KLHL32: variants seen among roughly 807,000 people sequenced by gnomAD.
The protein encoded by KLHL32 is kelch-like protein 32.
In KLHL32, 35 loss-of-function variants were observed where a neutral mutation model predicts 64.8. That is an observed-to-expected ratio of 0.54 (90% CI 0.41 to 0.72). KLHL32 has a LOEUF of 0.72. Ranked by LOEUF, KLHL32 falls within the 30% of genes least tolerant of loss-of-function variation. The probability of loss-of-function intolerance (pLI) is 0.00; values close to 1 mark genes in which losing one functional copy is unlikely to be tolerated. For missense variants in KLHL32, 589 were observed against 768.5 expected (o/e 0.77, Z 2.76); for synonymous variants, 259 against 281.0 (o/e 0.92, Z 0.78).
intron 1 of KLHL32, among the ~76,000 whole-genome samples, chr6:96,950,477 A>G (rs754878430): frequency 6.6e-6 from 1 of 150,832 alleles, no homozygotes; most frequent in Non-Finnish European, 1.5e-5. Flanking sequence ...GCTCTAAGTG[A>G]TAGCTTTTAT....
chr6:97,025,151 G>A, intron 3 of KLHL32: 1 of 976,514 alleles, frequency 1.0e-6, no homozygotes, highest in Non-Finnish European at 1.2e-6. Context: ...TGATGAATTG[G>A]TATAAAGAAT....
chr6:97,081,642 A>T (rs1466524318), intron 5 of KLHL32, among the ~76,000 whole-genome samples: 1 of 152,222 alleles, frequency 6.6e-6, no homozygotes, highest in Non-Finnish European at 1.5e-5. Context: ...ACTCCAAGTC[A>T]ACTCCAAGTT....
chr6:97,100,305 A>T (rs1490782736), intron 6 of KLHL32, among the ~76,000 whole-genome samples: 1 of 152,206 alleles, frequency 6.6e-6, no homozygotes, highest in Non-Finnish European at 1.5e-5. Context: ...CAGTAGCCAG[A>T]CTGAAATTCA....
upstream of KLHL32, among the ~76,000 whole-genome samples, chr6:96,924,036 A>G (rs948890506): frequency 6.6e-6 from 1 of 152,060 alleles, no homozygotes; most frequent in Admixed American, 6.5e-5. Context: ...TAACCACAGT[A>G]ATCACACCCT....
At chr6:96,956,466 T>G (rs1331604392) in intron 1 of KLHL32, among the ~76,000 whole-genome samples, 1 of 152,192 alleles carries the variant, frequency 6.6e-6, no homozygotes, top group Non-Finnish European at 1.5e-5. Context: ...GGTTTCTCAT[T>G]TTACAAAACT....
chr6:96,980,693 GT>G (rs1485495605), intron 3 of KLHL32, among the ~76,000 whole-genome samples: 5 of 152,110 alleles, frequency 3.3e-5, no homozygotes, highest in African/African-American at 1.2e-4. Context: ...ATAGAGAAGA[GT>G]TTTTCTTCCT....
rs1242246598 is a variant in KLHL32 at position 96,976,113 on chromosome 6, T to C, written c.140T>C (p.Ile47Thr). 1.9e-6 allele frequency: 3 copies of C among 1,608,182 alleles called. No individual in the cohort carries two copies. Among genetic ancestry groups the C allele is most frequent in the Non-Finnish European group, 2.6e-6 (3 of 1,175,716 alleles). Residue 47 changes from isoleucine (I) to threonine (T), a missense_variant, in exon 3 of 11, where the codon ATT (isoleucine) becomes ACT (threonine). Ile to Thr is a moderately conservative substitution (Grantham distance 89). Coordinates refer to ENST00000369261, the MANE Select transcript of KLHL32 (RefSeq NM_052904.4). Reference protein sequence around the residue: ...SDGILCDITLIAEEQKFHAHK... With the variant: ...SDGILCDITLTAEEQKFHAHK... The stretch of plus-strand genomic sequence containing the variant: ...GGCATCCTCTGCGACATCACCCTGA[T>C]TGCTGAGGAACAGAAATTCCATGCT...
chr6:96,966,254 T>C (rs1468650455), intron 1 of KLHL32, among the ~76,000 whole-genome samples: 2 of 152,212 alleles, frequency 1.3e-5, no homozygotes, highest in Non-Finnish European at 2.9e-5. Flanking sequence ...GGTTGTAAAG[T>C]GTAGTCATGG....
At chr6:97,101,908 T>A (rs1795773656) in intron 6 of KLHL32, among the ~76,000 whole-genome samples, 1 of 152,228 alleles carries the variant, frequency 6.6e-6, no homozygotes, top group South Asian at 2.1e-4. Flanking sequence ...GGCTTTATCA[T>A]GAATTTAAAA....
Position 97,130,887 on chromosome 6 carries a change from A to G in KLHL32, c.1544A>G (p.His515Arg), listed in dbSNP as rs1339237276. 3 of 1,614,128 alleles carry G rather than the reference A, an allele frequency of 1.9e-6. No individual in the cohort carries two copies. Among genetic ancestry groups the G allele is most frequent in the South Asian group, 1.1e-5 (1 of 91,074 alleles). ...DYNNDRILVR[H>R]IDSYNIDTDQ... The stretch of plus-strand genomic sequence containing the variant: ...AATAATGACCGGATCCTTGTGCGCC[A>G]TATAGATTCTTACAACATAGACACT... The change falls in exon 9 of 11, where the codon CAT becomes CGT. Residue 515 changes from histidine to arginine, a missense_variant. By Grantham distance (29) the His-to-Arg change is conservative. Transcript: ENST00000369261.
At chr6:97,115,168 A>T (rs2128211557) in intron 7 of KLHL32, among the ~76,000 whole-genome samples, 2 of 152,192 alleles carry the variant, frequency 1.3e-5, no homozygotes, top group South Asian at 4.1e-4. Context: ...GGAGCACACC[A>T]CCACACCCAG....
chr6:96,986,588 A>G (rs1407072536), intron 3 of KLHL32, among the ~76,000 whole-genome samples: 1 of 152,044 alleles, frequency 6.6e-6, no homozygotes, highest in Admixed American at 6.5e-5. Context: ...CCCCTCCCCC[A>G]GCCTGGCTGC....
intron 4 of KLHL32, 34 bp downstream of exon 4, chr6:97,041,633 A>C: frequency 8.0e-7 from 1 of 1,244,324 alleles, no homozygotes; most frequent in Non-Finnish European, 1.2e-6. Context: ...AAAGTTTAAC[A>C]TTTCAACTAC....
intron 3 of KLHL32, among the ~76,000 whole-genome samples, chr6:97,018,706 A>G (rs987923849): frequency 5.9e-5 from 9 of 152,196 alleles, no homozygotes; most frequent in African/African-American, 2.2e-4. Flanking sequence ...CAATATTAAT[A>G]TGCTATAAAG....
intron 3 of KLHL32, among the ~76,000 whole-genome samples, chr6:97,010,566 A>T (rs745550611): frequency 9.2e-5 from 14 of 152,232 alleles, no homozygotes; most frequent in Non-Finnish European, 2.1e-4. Context: ...TGAAGAATTT[A>T]TCCCTCATGT....
At position 96,925,467 on chromosome 6, in the gene KLHL32, C is replaced by CT. The variant is rs542600276; in HGVS notation, c.-66+444dup. On this transcript the variant is annotated intron_variant, in intron 1 of 10. Transcript: ENST00000369261. ...AGCCGTAATTGCACTATATGGTATGCTTTAAAAAGGATTCGTCAGATGAAT... is the reference window on the plus strand; with the variant it reads ...AGCCGTAATTGCACTATATGGTATGCTTTTAAAAAGGATTCGTCAGATGAAT... Among the ~76,000 whole-genome samples the CT allele has an allele frequency of 7.4e-3, 1,125 of 152,310 alleles. 6 individuals are homozygous for CT. Among genetic ancestry groups the CT allele is most frequent in the Non-Finnish European group, 0.011 (775 of 68,024 alleles).
Position 97,087,278 on chromosome 6 carries a change from G to A in KLHL32, c.627+1937G>A, listed in dbSNP as rs929471006. ...CCATAGAGAAAAATCAAATCAGACC[G>A]CTATTTTGCCTCAAGTATAGTTAAG... On this transcript the variant is annotated intron_variant, in intron 6 of 10. Transcript: ENST00000369261. Among the ~76,000 whole-genome samples, 8 of 152,102 alleles carry A rather than the reference G, an allele frequency of 5.3e-5. No homozygotes were observed. The East Asian group carries it at 1.2e-3, about 22-fold the overall frequency.
At chr6:97,081,643 A>T (rs1792539818) in intron 5 of KLHL32, among the ~76,000 whole-genome samples, 1 of 152,062 alleles carries the variant, frequency 6.6e-6, no homozygotes, top group African/African-American at 2.4e-5. Flanking sequence ...CTCCAAGTCA[A>T]CTCCAAGTTA....
intron 7 of KLHL32, among the ~76,000 whole-genome samples, chr6:97,121,968 C>A (rs991288513): frequency 2.0e-5 from 3 of 152,136 alleles, no homozygotes; most frequent in South Asian, 2.1e-4. Context: ...GAGTTTGACC[C>A]TGCTGGGAAT....
Sources: allele counts gnomAD v4.1 joint callset (sites outside exome capture counted in the v4.1 genomes callset), GRCh38; gene constraint gnomAD v4.1.1; transcripts MANE v1.5; gene names NCBI Gene and HGNC (gene_info 2026-07-23, HGNC 2026-07-21).